Variants in CFTR observed in about 807,000 individuals in gnomAD.
CFTR encodes cystic fibrosis transmembrane conductance regulator.
CFTR carries 181 observed loss-of-function variants against 171.6 expected under a neutral mutation model. That is an observed-to-expected ratio of 1.05 (90% CI 0.93 to 1.19). The LOEUF is 1.19. Among genes scored for constraint, CFTR ranks in the 50% most tolerant of loss-of-function variants. The pLI is 0.00. For missense variants in CFTR, 1,968 were observed against 1,734.7 expected, an observed-to-expected ratio of 1.13 and a Z score of -2.39; for synonymous variants, 583 against 608.0, an observed-to-expected ratio of 0.96 and a Z score of 0.60.
intron 11 of CFTR, among the ~76,000 whole-genome samples, chr7:117,578,608 T>C (rs1188135385): frequency 6.6e-6 from 1 of 152,108 alleles, no homozygotes; most frequent in African/African-American, 2.4e-5. Context: ...GTATTTTGGA[T>C]AGCAGCTGTG....
intron 22 of CFTR, among the ~76,000 whole-genome samples, chr7:117,630,495 C>A (rs926889458): frequency 2.6e-5 from 4 of 152,062 alleles, no homozygotes; most frequent in Non-Finnish European, 4.4e-5. Flanking sequence ...AATTTAGGCA[C>A]ACAGATACAT....
At chr7:117,651,024 C>T (rs1793081624) in intron 23 of CFTR, among the ~76,000 whole-genome samples, 1 of 152,186 alleles carries the variant, frequency 6.6e-6, no homozygotes, top group African/African-American at 2.4e-5. Flanking sequence ...CCTTCTCCAA[C>T]CTGCTGTTTC....
At chr7:117,614,532 C>T in intron 20 of CFTR, 81 bp from the exon 21 acceptor site, 2 of 861,250 alleles carry the variant, frequency 2.3e-6, no homozygotes, top group Non-Finnish European at 2.0e-6. Context: ...GTGATATGTG[C>T]CCTAGGAGAA....
chr7:117,638,474 G>A lies in CFTR; in HGVS notation c.3718-3964G>A, dbSNP rs35637601. The stretch of plus-strand genomic sequence containing the variant: ...ATTCTTAAAATGTCGTTCTGCTCAC[G>A]CCTGTAATTCCAGCACTTTGGGAGG... On this transcript the variant is annotated intron_variant, in intron 22 of 26. Transcript: ENST00000003084. 3.9e-3 allele frequency among the ~76,000 whole-genome samples: 597 copies of A among 152,062 alleles called. 7 individuals are homozygous for A. Among genetic ancestry groups the A allele is most frequent in the African/African-American group, 0.012 (494 of 41,478 alleles).
Position 117,559,652 on chromosome 7 carries a change from A to G in CFTR, c.1581A>G (p.Glu527=), listed in dbSNP as rs1800094. ...GCGTCATCAAAGCATGCCAACTAGA[A>G]GAGGTAAGAAACTATGTGAAAACTT... ...YRSVIKACQL[E]EDISKFAEKD... Residue 527 remains glutamate (E), a synonymous_variant, in exon 11 of 27, where the codon GAA becomes GAG. Transcript: ENST00000003084. The G allele has an allele frequency of 8.4e-4, 1,358 of 1,611,220 alleles. 12 individuals are homozygous for G. The African/African-American group carries it at 0.017, about 20-fold the overall frequency.
At chr7:117,491,982 A>G (rs1304511660) in intron 1 of CFTR, among the ~76,000 whole-genome samples, 2 of 152,086 alleles carry the variant, frequency 1.3e-5, no homozygotes, top group South Asian at 4.1e-4. Context: ...AGTGGTCCAT[A>G]AATAGCATGG....
chr7:117,594,817 A>G, intron 14 of CFTR, 113 bp from the exon 15 acceptor site: 1 of 940,204 alleles, frequency 1.1e-6, no homozygotes, highest in Non-Finnish European at 1.6e-6. Flanking sequence ...TTGTTAAAAT[A>G]CACTTAGATT....
In CFTR at chr7:117,611,845, G is replaced by A. The variant is rs137854873; in HGVS notation, c.3367+37G>A. The A allele has an allele frequency of 3.3e-3, 4,813 of 1,476,608 alleles. 15 individuals are homozygous for A. The highest frequency in any genetic ancestry group is 4.0e-3 in the Non-Finnish European group (4,247 of 1,062,132). The allele number at this position is 1,476,608 out of a possible 1,614,324, so 91.5% of individuals were successfully genotyped here. On this transcript the variant is annotated intron_variant, in intron 20 of 26. Coordinates refer to ENST00000003084, the MANE Select transcript of CFTR (RefSeq NM_000492.4). ...TCATTAACTTTAGCTAAGCATTTAA[G>A]TAAAAAATTTTCAATGAATAAAATG...
At chr7:117,549,326 G>A (rs1244763230) in intron 10 of CFTR, among the ~76,000 whole-genome samples, 5 of 152,062 alleles carry the variant, frequency 3.3e-5, no homozygotes, top group Admixed American at 3.3e-4. Flanking sequence ...GAAATACATA[G>A]GAATGTTAAT....
chr7:117,499,649 C>A (rs1798290734), intron 1 of CFTR, among the ~76,000 whole-genome samples: 1 of 151,084 alleles, frequency 6.6e-6, no homozygotes, highest in Non-Finnish European at 1.5e-5. Context: ...TAATTAGTTT[C>A]TGTTAGAAAT....
chr7:117,614,412 C>T (rs1584824033), intron 20 of CFTR, among the ~76,000 whole-genome samples: 1 of 152,186 alleles, frequency 6.6e-6, no homozygotes, highest in Middle Eastern at 3.4e-3. Flanking sequence ...GATTTAAAAT[C>T]CTGGTTGAAT....
At chr7:117,649,508 TA>T (rs1793054313) in intron 23 of CFTR, among the ~76,000 whole-genome samples, 1 of 134,012 alleles carries the variant, frequency 7.5e-6, no homozygotes, top group African/African-American at 2.8e-5. Context: ...TATATATATA[TA>T]TATATATATA....
At chr7:117,624,734 A>G (rs541609547) in intron 21 of CFTR, among the ~76,000 whole-genome samples, 1 of 152,238 alleles carries the variant, frequency 6.6e-6, no homozygotes, top group East Asian at 1.9e-4. Context: ...CTAATCCATC[A>G]TAATTTTTGT....
rs759726535 is a variant in CFTR at position 117,504,275 on chromosome 7, A to G, written c.76A>G (p.Lys26Glu). 16 of 1,610,574 alleles carry G rather than the reference A, an allele frequency of 9.9e-6. No individual in the cohort carries two copies. The highest frequency in any genetic ancestry group is 1.7e-4 in the Middle Eastern group (1 of 6,046). The change falls in exon 2 of 27, where the codon AAA becomes GAA. Residue 26 changes from lysine (K) to glutamate (E), a missense_variant. Physicochemically the swap from Lys to Glu is moderately conservative, Grantham distance 56. Transcript: ENST00000003084. ...FFSWTRPILR[K>E]GYRQRLELSD... ...TAGCTGGACCAGACCAATTTTGAGG[A>G]AAGGATACAGACAGCGCCTGGAATT...
chr7:117,651,720 T>C (rs554441653), intron 23 of CFTR, among the ~76,000 whole-genome samples: 2 of 152,242 alleles, frequency 1.3e-5, no homozygotes, highest in East Asian at 3.9e-4. Flanking sequence ...AAGTCATCAG[T>C]TATGCCCCGG....
chr7:117,643,749 A>G (rs1405376625), intron 23 of CFTR, among the ~76,000 whole-genome samples: 2 of 152,220 alleles, frequency 1.3e-5, no homozygotes, highest in African/African-American at 4.8e-5. Flanking sequence ...GAACTGGTTG[A>G]TAGAGAAGTG....
intron 11 of CFTR, among the ~76,000 whole-genome samples, chr7:117,563,845 T>A (rs2115952436): frequency 6.6e-6 from 1 of 152,326 alleles, no homozygotes; most frequent in Admixed American, 6.5e-5. Flanking sequence ...TTCCCTTTTT[T>A]GTCCTGCTGA....
chr7:117,562,461 T>A (rs964109662), intron 11 of CFTR, among the ~76,000 whole-genome samples: 3 of 152,186 alleles, frequency 2.0e-5, no homozygotes, highest in Non-Finnish European at 1.5e-5. Flanking sequence ...AGTTGGTATA[T>A]CGTGTGGAAG....
rs1387605156 is a variant in CFTR at position 117,543,697 on chromosome 7, C to G, written c.1209+1589C>G. On this transcript the variant is annotated intron_variant, in intron 9 of 26. Coordinates refer to ENST00000003084, the MANE Select transcript of CFTR (RefSeq NM_000492.4). ...AGTCCCAAATGTCATAGGCTAGAGCCCTTTCACTAAACTGTTGTCTTCCAT... is the reference window on the plus strand; with the variant it reads ...AGTCCCAAATGTCATAGGCTAGAGCGCTTTCACTAAACTGTTGTCTTCCAT... 2.0e-5 allele frequency among the ~76,000 whole-genome samples: 3 copies of G among 152,174 alleles called. No homozygotes were observed. In the East Asian group the frequency reaches 5.8e-4, roughly 29 times the overall value.
Sources: allele counts gnomAD v4.1 joint callset (sites outside exome capture counted in the v4.1 genomes callset), GRCh38; gene constraint gnomAD v4.1.1; transcripts MANE v1.5; gene names NCBI Gene and HGNC (gene_info 2026-07-23, HGNC 2026-07-21).